Variants in ITPR1 observed in about 807,000 individuals in gnomAD.
ITPR1 encodes inositol 1,4,5-trisphosphate-gated calcium channel ITPR1.
A neutral mutation model predicts 318.4 loss-of-function variants in ITPR1; 96 were observed. The observed-to-expected ratio is 0.30, with a 90% CI of 0.26 to 0.36. The LOEUF is 0.36. Among genes scored for constraint, ITPR1 ranks in the 10% least tolerant of loss-of-function variants. ITPR1 has a pLI of 1.00. For synonymous variants in ITPR1, 1,312 were observed against 1,289.9 expected (o/e 1.02, Z -0.37); for missense variants, 2,440 against 3,460.2 (o/e 0.71, Z 7.40).
At chr3:4,773,541 A>G (rs1314517776) in intron 46 of ITPR1, among the ~76,000 whole-genome samples, 1 of 152,074 alleles carries the variant, frequency 6.6e-6, no homozygotes, top group Non-Finnish European at 1.5e-5. Context: ...ATATTAATCT[A>G]TATGCCTTTT....
At chr3:4,815,730 C>A (rs1387173577) in intron 59 of ITPR1, among the ~76,000 whole-genome samples, 3 of 151,860 alleles carry the variant, frequency 2.0e-5, no homozygotes, top group African/African-American at 7.3e-5. Context: ...ATCTGGGGAG[C>A]TGAGTAATCA....
chr3:4,742,064 A>G (rs1272242989), intron 44 of ITPR1, among the ~76,000 whole-genome samples: 1 of 152,098 alleles, frequency 6.6e-6, no homozygotes, highest in Non-Finnish European at 1.5e-5. Context: ...GGGGTCAGCA[A>G]AGCCACCCCA....
intron 40 of ITPR1, among the ~76,000 whole-genome samples, chr3:4,719,173 A>G (rs1450423800): frequency 6.6e-6 from 1 of 152,176 alleles, no homozygotes; most frequent in Admixed American, 6.5e-5. Context: ...TACTCTAGGA[A>G]ATAGAATACT....
intron 11 of ITPR1, among the ~76,000 whole-genome samples, 157 bp downstream of exon 11, chr3:4,652,375 C>T (rs977302186): frequency 6.6e-6 from 1 of 152,158 alleles, no homozygotes; most frequent in Non-Finnish European, 1.5e-5. Context: ...GATTCATTTT[C>T]CTAGAAGACT....
intron 4 of ITPR1, among the ~76,000 whole-genome samples, chr3:4,550,686 C>T (rs2085475827): frequency 6.6e-6 from 1 of 151,950 alleles, no homozygotes. Context: ...TTGAAACCAG[C>T]CTGGGCAACA....
Position 4,806,121 on chromosome 3 carries a change from T to C in ITPR1, c.7126T>C (p.Phe2376Leu), listed in dbSNP as rs1438983465. The C allele has an allele frequency of 6.2e-7, 1 of 1,613,868 alleles. No individual in the cohort carries two copies. The highest frequency in any genetic ancestry group is 1.3e-5 in the African/African-American group (1 of 75,044). ...TTCTCAGGTATGCAATAAAATCATC[T>C]TTCTAATGAGCTTTGTGGGCAACTG... is the stretch of plus-strand genomic sequence containing the variant. ...GAFNVCNKII[F>L]LMSFVGNCGT... The change falls in exon 55 of 62, where the codon TTT becomes CTT. Residue 2376 changes from phenylalanine to leucine, a missense_variant. Transcript: ENST00000649015.
chr3:4,510,424 G>A (rs952793144), intron 2 of ITPR1, among the ~76,000 whole-genome samples: 6 of 152,192 alleles, frequency 3.9e-5, no homozygotes, highest in Admixed American at 3.9e-4. Flanking sequence ...GAAACGAGTA[G>A]GAAGGCCTTA....
chr3:4,711,210 C>CA (rs1169754547), intron 38 of ITPR1, among the ~76,000 whole-genome samples: 15,709 of 57,122 alleles, frequency 0.28, 2,009 homozygotes, highest in Non-Finnish European at 0.36. Context: ...GACCTTGTCT[C>CA]AAAAAAAAAA....
chr3:4,495,353 C>T (rs1239345492), intron 2 of ITPR1, among the ~76,000 whole-genome samples: 1 of 152,112 alleles, frequency 6.6e-6, no homozygotes, highest in Non-Finnish European at 1.5e-5. Context: ...TTTAGCTGTT[C>T]CCTGGGCTAC....
At chr3:4,699,981 A>G in intron 35 of ITPR1, 40 bp downstream of exon 35, 13 of 1,589,378 alleles carry the variant, frequency 8.2e-6, no homozygotes, top group Non-Finnish European at 1.0e-5. Context: ...TTCACGATAC[A>G]CCTTCTGCAG....
chr3:4,501,594 C>G (rs779246150), intron 2 of ITPR1, among the ~76,000 whole-genome samples: 59 of 152,214 alleles, frequency 3.9e-4, no homozygotes, highest in Non-Finnish European at 7.6e-4. Context: ...TCATGGCTAG[C>G]TCTCACCTGT....
chr3:4,800,915 G>A (rs1181559852), intron 54 of ITPR1, among the ~76,000 whole-genome samples: 1 of 152,192 alleles, frequency 6.6e-6, no homozygotes, highest in African/African-American at 2.4e-5. Context: ...CTGGTCAAAG[G>A]TTTGTTGGGA....
At chr3:4,567,667 C>G (rs1465534188) in intron 4 of ITPR1, among the ~76,000 whole-genome samples, 1 of 152,048 alleles carries the variant, frequency 6.6e-6, no homozygotes, top group East Asian at 1.9e-4. Context: ...GTGCATGCTG[C>G]CATCTTGGCT....
intron 45 of ITPR1, chr3:4,768,223 C>T (rs2045943645): frequency 3.2e-6 from 1 of 313,280 alleles, no homozygotes. Flanking sequence ...AAGCTGAGGC[C>T]CAGAACCTTA....
chr3:4,815,255 G>A lies in ITPR1; in HGVS notation c.7867+37G>A, dbSNP rs201104450. 1.2e-3 allele frequency: 1,855 copies of A among 1,605,598 alleles called. 2 individuals are homozygous for A. The highest frequency in any genetic ancestry group is 1.5e-3 in the Non-Finnish European group (1,713 of 1,174,074). ...TGGCCAGCTCCAGCAAGGGCGTGAA[G>A]GCCCAGCGTGGCAGAGGCATGTGGA... On this transcript the variant is annotated intron_variant, in intron 59 of 61. Coordinates refer to ENST00000649015, the MANE Select transcript of ITPR1 (RefSeq NM_001378452.1).
intron 44 of ITPR1, among the ~76,000 whole-genome samples, chr3:4,762,663 C>T (rs750023077): frequency 6.6e-6 from 1 of 152,226 alleles, no homozygotes; most frequent in Non-Finnish European, 1.5e-5. Context: ...AGAGGCTGGG[C>T]AGTGTGCCCA....
At chr3:4,842,647 A>T (rs1321058357) in intron 61 of ITPR1, among the ~76,000 whole-genome samples, 1 of 152,202 alleles carries the variant, frequency 6.6e-6, no homozygotes, top group Non-Finnish European at 1.5e-5. Flanking sequence ...GTGAGCCACC[A>T]TGCCCAGCCG....
At chr3:4,624,488 G>A (rs1036316017) in intron 4 of ITPR1, among the ~76,000 whole-genome samples, 5 of 151,970 alleles carry the variant, frequency 3.3e-5, no homozygotes, top group Non-Finnish European at 1.5e-5. Flanking sequence ...GGCCAACATG[G>A]TGAAACCCCA....
At chr3:4,784,904 G>A (rs553562065) in intron 51 of ITPR1, among the ~76,000 whole-genome samples, 5 of 151,756 alleles carry the variant, frequency 3.3e-5, no homozygotes, top group African/African-American at 1.2e-4. Context: ...AAAAAAAAAA[G>A]AAAAAGTGTC....
Sources: allele counts gnomAD v4.1 joint callset (sites outside exome capture counted in the v4.1 genomes callset), GRCh38; gene constraint gnomAD v4.1.1; transcripts MANE v1.5; gene names NCBI Gene and HGNC (gene_info 2026-07-23, HGNC 2026-07-21).